Variants in ENAH observed in about 807,000 individuals in gnomAD.
ENAH encodes the protein ENAH actin regulator, also known as protein enabled homolog.
In ENAH, 23 loss-of-function variants were observed where a neutral mutation model predicts 78.7. The ratio of observed to expected loss-of-function variants is 0.29; its 90% CI spans 0.21 to 0.41. ENAH has a LOEUF of 0.41. Among genes scored for constraint, ENAH ranks in the 10% least tolerant of loss-of-function variants. The pLI, the probability that ENAH is intolerant of heterozygous loss-of-function variation, is 1.00. For missense variants in ENAH, 544 were observed against 691.0 expected, an observed-to-expected ratio of 0.79 and a Z score of 2.39; for synonymous variants, 226 against 241.0, an observed-to-expected ratio of 0.94 and a Z score of 0.58.
intron 1 of ENAH, among the ~76,000 whole-genome samples, chr1:225,637,008 T>C (rs1028350868): frequency 1.2e-4 from 19 of 152,092 alleles, no homozygotes; most frequent in Admixed American, 3.9e-4. Flanking sequence ...ACAGACAGAA[T>C]AAAAGTAATG....
chr1:225,504,953 TAA>T (rs978977872), intron 11 of ENAH: 20 of 1,542,674 alleles, frequency 1.3e-5, no homozygotes, highest in African/African-American at 1.4e-5. Flanking sequence ...ACATGTTATT[TAA>T]AAGTCTCAAA....
chr1:225,554,602 G>C (rs17502075), intron 3 of ENAH, among the ~76,000 whole-genome samples: 2 of 152,116 alleles, frequency 1.3e-5, no homozygotes, highest in African/African-American at 4.8e-5. Context: ...ACTTGCAACG[G>C]AAGTGTTTCT....
chr1:225,537,852 G>A (rs1344067141), intron 3 of ENAH, among the ~76,000 whole-genome samples: 1 of 151,904 alleles, frequency 6.6e-6, no homozygotes, highest in Non-Finnish European at 1.5e-5. Flanking sequence ...ATGTAGAAAC[G>A]CTGGGTAAGT....
At chr1:225,509,038 CT>C (rs1270283439) in intron 10 of ENAH, among the ~76,000 whole-genome samples, 1 of 152,154 alleles carries the variant, frequency 6.6e-6, no homozygotes, top group African/African-American at 2.4e-5. Flanking sequence ...CATTATTGAT[CT>C]TGCTTTACTC....
At chr1:225,582,199 G>A (rs2096822403) in intron 1 of ENAH, among the ~76,000 whole-genome samples, 2 of 152,082 alleles carry the variant, frequency 1.3e-5, no homozygotes, top group Admixed American at 1.3e-4. Context: ...GCCACAGGAA[G>A]TGCCAGCTCC....
chr1:225,600,253 G>A (rs1015832126), intron 1 of ENAH, among the ~76,000 whole-genome samples: 2 of 152,006 alleles, frequency 1.3e-5, no homozygotes, highest in African/African-American at 4.8e-5. Flanking sequence ...GAGTAAGACC[G>A]CTATTCGGGA....
chr1:225,636,682 A>G (rs1023844051), intron 1 of ENAH, among the ~76,000 whole-genome samples: 1 of 152,216 alleles, frequency 6.6e-6, no homozygotes, highest in Admixed American at 6.5e-5. Context: ...TCATCTCTAC[A>G]ACAAATAAAG....
chr1:225,588,847 T>C (rs1041002750), intron 1 of ENAH, among the ~76,000 whole-genome samples: 54 of 149,428 alleles, frequency 3.6e-4, no homozygotes, highest in African/African-American at 1.3e-3. Context: ...GGCAGTTTCT[T>C]ACAGAATTAA....
At chr1:225,567,197 G>T in intron 2 of ENAH, 52 bp downstream of exon 2, 1 of 1,575,602 alleles carries the variant, frequency 6.3e-7, no homozygotes, top group Non-Finnish European at 8.6e-7. Context: ...AATATGCCAA[G>T]TCCTTTTGTA....
chr1:225,499,182 T>G (rs2096267380), intron 12 of ENAH, among the ~76,000 whole-genome samples: 2 of 152,218 alleles, frequency 1.3e-5, no homozygotes, highest in South Asian at 4.1e-4. Context: ...TCCTTTTGTT[T>G]TGTATTTTTA....
chr1:225,639,744 A>ACACAC (rs1558949275), intron 1 of ENAH, among the ~76,000 whole-genome samples: 8 of 132,802 alleles, frequency 6.0e-5, no homozygotes, highest in South Asian at 4.5e-4. Context: ...ACACACACAC[A>ACACAC]AGAAGGATGG....
intron 3 of ENAH, among the ~76,000 whole-genome samples, chr1:225,553,191 G>A (rs143875065): frequency 2.0e-5 from 3 of 152,130 alleles, no homozygotes; most frequent in Admixed American, 1.3e-4. Flanking sequence ...CCAAGATCGC[G>A]TCACTGCACT....
In ENAH at chr1:225,488,916, T is replaced by C. The variant is rs1050784698; in HGVS notation, c.*8859A>G. 1 of 152,228 alleles carries C rather than the reference T, an allele frequency of 6.6e-6. No individual in the cohort carries two copies. Among genetic ancestry groups the C allele is most frequent in the Admixed American group, 6.5e-5 (1 of 15,276 alleles). 9.4% of individuals were successfully genotyped at this position (152,228 alleles called of 1,614,324 possible). ...GACATTGCTGTTAAACAGAGTCTTT[T>C]GGATTAAAACCAGGGAACTCGGAAG... On this transcript the variant is annotated 3_prime_UTR_variant, in exon 14 of 14. Coordinates refer to ENST00000366843, the MANE Select transcript of ENAH (RefSeq NM_018212.6).
intron 2 of ENAH, among the ~76,000 whole-genome samples, chr1:225,561,789 C>T (rs1013772375): frequency 6.6e-6 from 1 of 152,000 alleles, no homozygotes; most frequent in Non-Finnish European, 1.5e-5. Flanking sequence ...GGTGACGTTC[C>T]ATCTCACACA....
chr1:225,500,848 T>C, intron 12 of ENAH, 144 bp downstream of exon 12: 1 of 760,902 alleles, frequency 1.3e-6, no homozygotes, highest in Non-Finnish European at 2.1e-6. Context: ...AATGCAGTAC[T>C]ACTAATGCCA....
Position 225,521,870 on chromosome 1 carries a change from A to C in ENAH, c.435-2305T>G, listed in dbSNP as rs553747399. On this transcript the variant is annotated intron_variant, in intron 4 of 13. Coordinates refer to ENST00000366843, the MANE Select transcript of ENAH (RefSeq NM_018212.6). Reference sequence around the variant, plus strand: ...GAGTACAGCCATGCAATCTTGGCTCACTGCAAGCTCCACCTCCCAGGTTCA... The same window carrying C: ...GAGTACAGCCATGCAATCTTGGCTCCCTGCAAGCTCCACCTCCCAGGTTCA... Among the ~76,000 whole-genome samples, 16 of 151,714 alleles carry C rather than the reference A, an allele frequency of 1.1e-4. 1 individual carries two copies. The South Asian group carries it at 2.9e-3, about 28-fold the overall frequency.
chr1:225,555,581 C>CA (rs146999797), intron 2 of ENAH, among the ~76,000 whole-genome samples: 10,318 of 126,276 alleles, frequency 0.082, 481 homozygotes, highest in South Asian at 0.16. Context: ...GACTCTGTCT[C>CA]AAAAAAAAAA....
chr1:225,601,346 G>A (rs570349558), intron 1 of ENAH, among the ~76,000 whole-genome samples: 46 of 152,096 alleles, frequency 3.0e-4, no homozygotes, highest in African/African-American at 9.4e-4. Context: ...GTGAAACCCC[G>A]TGTCTACTAA....
In ENAH at chr1:225,513,006, G is replaced by T. The variant is rs909905207; in HGVS notation, c.1229C>A (p.Thr410Asn). The stretch of plus-strand genomic sequence containing the variant: ...AGCATTCCCTCCACTTGGGAAAGAG[G>T]TATCCTCCATCTTAATGAGAATATA... Reference protein sequence around the residue: ...KLRKVSRMEDTSFPSGGNAIG... With the variant: ...KLRKVSRMEDNSFPSGGNAIG... The change falls in exon 8 of 14, where the codon ACC becomes AAC. Residue 410 changes from threonine (T) to asparagine (N), a missense_variant. By Grantham distance (65) the Thr-to-Asn change is moderately conservative. Coordinates refer to ENST00000366843, the MANE Select transcript of ENAH (RefSeq NM_018212.6). 2.5e-6 allele frequency: 4 copies of T among 1,612,068 alleles called. No individual in the cohort carries two copies. The African/African-American group carries it at 5.3e-5, about 22-fold the overall frequency.
Sources: gnomAD v4.1 joint callset for allele counts (sites outside exome capture counted in the v4.1 genomes callset) on GRCh38, gnomAD v4.1.1 for gene constraint, MANE v1.5 for transcripts, NCBI Gene and HGNC (gene_info 2026-07-23, HGNC 2026-07-21) for gene names.